WDR44: variants seen among roughly 807,000 people sequenced by gnomAD.
WDR44 encodes WD repeat domain 44.
In WDR44, 9 loss-of-function variants were observed where a neutral mutation model predicts 65.7. The observed-to-expected ratio is 0.14, with a 90% CI of 0.08 to 0.24. The LOEUF (loss-of-function observed/expected upper bound fraction) is 0.24. WDR44 is among the 10% of genes least tolerant of loss of function. The pLI is 1.00. For synonymous variants in WDR44, 220 were observed against 235.2 expected (o/e 0.94, Z 0.59); for missense variants, 425 against 670.9 (o/e 0.63, Z 4.05).
intron 2 of WDR44, among the ~76,000 whole-genome samples, chrX:118,384,503 T>A (rs2056748740): frequency 8.9e-6 from 1 of 111,983 alleles, no homozygotes; most frequent in South Asian, 3.7e-4. Context: ...TGCGGTCTTA[T>A]TTCTGTATTC....
At chrX:118,413,547 G>A (rs998258387) in intron 12 of WDR44, among the ~76,000 whole-genome samples, 1 of 111,106 alleles carries the variant, frequency 9.0e-6, no homozygotes, top group African/African-American at 3.3e-5. Flanking sequence ...TTTTCTTACT[G>A]ATTTGTTTGA....
intron 1 of WDR44, among the ~76,000 whole-genome samples, chrX:118,358,233 T>C (rs1602858329): frequency 8.9e-6 from 1 of 112,390 alleles, no homozygotes; most frequent in East Asian, 2.8e-4. Context: ...CTTTCTTTTG[T>C]AGCCCTTGAA....
chrX:118,404,589 A>G, intron 9 of WDR44, 145 bp downstream of exon 9: 1 of 422,677 alleles, frequency 2.4e-6, no homozygotes, highest in Non-Finnish European at 3.9e-6. Flanking sequence ...AAGGTACTCT[A>G]TGACTTAATT....
At chrX:118,362,051 G>C (rs1400546659) in intron 1 of WDR44, among the ~76,000 whole-genome samples, 1 of 111,660 alleles carries the variant, frequency 9.0e-6, no homozygotes, top group East Asian at 2.8e-4. Context: ...AATCTATATA[G>C]GTTCTTAATA....
chrX:118,369,690 A>T (rs28491731), intron 1 of WDR44, among the ~76,000 whole-genome samples: 2 of 104,554 alleles, frequency 1.9e-5, no homozygotes, highest in East Asian at 3.1e-4. Flanking sequence ...GGATGGTCTC[A>T]ATCTCCTGAC....
intron 1 of WDR44, among the ~76,000 whole-genome samples, chrX:118,371,845 G>A (rs1463224522): frequency 9.0e-6 from 1 of 110,775 alleles, no homozygotes; most frequent in African/African-American, 3.3e-5. Flanking sequence ...AATTTTCCGT[G>A]TGTGTGGTTT....
At chrX:118,356,990 G>T (rs1480762903) in intron 1 of WDR44, among the ~76,000 whole-genome samples, 1 of 107,888 alleles carries the variant, frequency 9.3e-6, no homozygotes, top group African/African-American at 3.4e-5. Context: ...ATGCCACCAA[G>T]CCCAGCTAAT....
intron 3 of WDR44, among the ~76,000 whole-genome samples, chrX:118,387,659 T>C (rs1282942522): frequency 1.8e-5 from 2 of 111,988 alleles, no homozygotes; most frequent in Non-Finnish European, 3.8e-5. Context: ...TTTTTGTTCT[T>C]GTATTTTTAT....
intron 1 of WDR44, among the ~76,000 whole-genome samples, chrX:118,362,626 T>C (rs192728616): frequency 9.0e-6 from 1 of 110,868 alleles, no homozygotes; most frequent in African/African-American, 3.3e-5. Context: ...TCTGACTAAA[T>C]AGACACGTGC....
chrX:118,409,006 T>C (rs1264435685), intron 10 of WDR44, among the ~76,000 whole-genome samples: 1 of 112,450 alleles, frequency 8.9e-6, no homozygotes, highest in Non-Finnish European at 1.9e-5. Context: ...AGTCTACTTT[T>C]GTGGTATTAT....
chrX:118,397,170 A>G, intron 7 of WDR44, 64 bp downstream of exon 7: 1 of 1,004,626 alleles, frequency 1.0e-6, no homozygotes, highest in South Asian at 3.2e-5. Flanking sequence ...TTCTCTGTTA[A>G]TGAACTATGA....
At chrX:118,394,416 T>C (rs2056848224) in intron 5 of WDR44, among the ~76,000 whole-genome samples, 1 of 111,523 alleles carries the variant, frequency 9.0e-6, no homozygotes, top group Admixed American at 9.6e-5. Context: ...AAGTCCTTCC[T>C]TGAGGGTTTG....
Position 118,424,134 on chromosome X carries a change from T to C in WDR44, c.1738-8647T>C, listed in dbSNP as rs756127826. Among the ~76,000 whole-genome samples, 8 of 107,942 alleles carry C rather than the reference T, an allele frequency of 7.4e-5. No individual in the cohort carries two copies. In the South Asian group the frequency reaches 3.2e-3, roughly 43 times the overall value. The allele number at this position is 107,942 out of a possible 115,157, so 93.7% of individuals were successfully genotyped here. A position where few individuals can be genotyped will look rare whatever the true frequency, so the allele number is the denominator to read the frequency against. On this transcript the variant is annotated intron_variant, in intron 12 of 19. Transcript: ENST00000254029. ...TATACCCAGAAGTGGAATTGCAGGA[T>C]CATATGGTAGTTCTATTTTAAGTTT... is the stretch of plus-strand genomic sequence containing the variant.
chrX:118,394,284 C>A, intron 5 of WDR44, 99 bp downstream of exon 5: 5 of 1,106,669 alleles, frequency 4.5e-6, no homozygotes, highest in Non-Finnish European at 6.1e-6. Flanking sequence ...CCAGATTTTT[C>A]TTTGTCCTCC....
At chrX:118,394,322 CA>C in intron 5 of WDR44, 137 bp downstream of exon 5, 1 of 887,238 alleles carries the variant, frequency 1.1e-6, no homozygotes, top group Non-Finnish European at 1.5e-6. Context: ...TTCTCTTGAT[CA>C]GCTCTGCTAC....
rs968151765 is a variant in WDR44 at position 118,346,324 on chromosome X, C to T, written c.-180C>T. The T allele has an allele frequency of 9.4e-6, 4 of 426,932 alleles. No homozygotes were observed. Among genetic ancestry groups the T allele is most frequent in the Non-Finnish European group, 1.2e-5 (3 of 244,423 alleles). 35.2% of individuals were successfully genotyped at this position (426,932 alleles called of 1,213,427 possible). On this transcript the variant is annotated 5_prime_UTR_variant, in exon 1 of 20. Coordinates refer to ENST00000254029, the MANE Select transcript of WDR44 (RefSeq NM_019045.5). ...CGCTTTGCCGGTCATTCCCGAAGCC[C>T]GGCAACTGAGGGCGGCCCCCTTTCC...
At chrX:118,359,667 C>T (rs1040838364) in intron 1 of WDR44, among the ~76,000 whole-genome samples, 1 of 111,939 alleles carries the variant, frequency 8.9e-6, no homozygotes, top group East Asian at 2.8e-4. Context: ...GCCACAAAAC[C>T]TTTCAAAAAA....
intron 12 of WDR44, among the ~76,000 whole-genome samples, chrX:118,421,333 A>G (rs1009416777): frequency 1.8e-5 from 2 of 112,064 alleles, no homozygotes; most frequent in African/African-American, 3.2e-5. Context: ...GTAACTCACA[A>G]TTTTATTGAA....
intron 1 of WDR44, among the ~76,000 whole-genome samples, chrX:118,352,446 G>A (rs1276509509): frequency 2.2e-5 from 2 of 91,937 alleles, no homozygotes; most frequent in South Asian, 5.5e-4. Flanking sequence ...ACCCAACCTC[G>A]ACCTCCCAAA....
Sources: gnomAD v4.1 joint callset for allele counts (sites outside exome capture counted in the v4.1 genomes callset) on GRCh38, gnomAD v4.1.1 for gene constraint, MANE v1.5 for transcripts, NCBI Gene and HGNC (gene_info 2026-07-23, HGNC 2026-07-21) for gene names.